The following PSD3 variants were observed in gnomAD, a reference collection of about 807,000 sequenced individuals.
PSD3 encodes the protein PH and SEC7 domain-containing protein 3.
PSD3 carries 49 observed loss-of-function variants against 105.5 expected under a neutral mutation model. That is an observed-to-expected ratio of 0.46 (90% CI 0.37 to 0.59). The LOEUF (loss-of-function observed/expected upper bound fraction) is 0.59. PSD3 is among the 20% of genes least tolerant of loss of function. The pLI, the probability that PSD3 is intolerant of heterozygous loss-of-function variation, is 0.00. For synonymous variants in PSD3, 557 were observed against 457.8 expected, an observed-to-expected ratio of 1.22 and a Z score of -2.77; for missense variants, 1,561 against 1,263.8, an observed-to-expected ratio of 1.24 and a Z score of -3.57.
At chr8:18,600,079 A>C (rs1804325810) in intron 12 of PSD3, among the ~76,000 whole-genome samples, 1 of 152,242 alleles carries the variant, frequency 6.6e-6, no homozygotes, top group East Asian at 1.9e-4. Flanking sequence ...AAGTGATTAA[A>C]GGATGGGCAT....
At chr8:18,781,947 T>C (rs1228285777) in intron 8 of PSD3, among the ~76,000 whole-genome samples, 2 of 152,114 alleles carry the variant, frequency 1.3e-5, no homozygotes, top group African/African-American at 4.8e-5. Flanking sequence ...GTTTACAAAT[T>C]CTTCTGCTTG....
rs566536702 is a variant in PSD3, at chr8:18,856,288, T to C, written c.1634+11386A>G. 3.3e-5 allele frequency among the ~76,000 whole-genome samples: 5 copies of C among 152,316 alleles called. No individual in the cohort carries two copies. The South Asian group carries it at 1.0e-3, about 32-fold the overall frequency. ...TGCACTAGAGTTATTTCTGAAGTTA[T>C]CTGATCTGCCTGTTTGGGAGACACC... is the stretch of plus-strand genomic sequence containing the variant. On this transcript the variant is annotated intron_variant, in intron 4 of 15. Coordinates refer to ENST00000327040, the MANE Select transcript of PSD3 (RefSeq NM_015310.4).
At chr8:18,646,523 C>T (rs1377611246) in intron 10 of PSD3, among the ~76,000 whole-genome samples, 4 of 151,974 alleles carry the variant, frequency 2.6e-5, no homozygotes, top group South Asian at 2.1e-4. Flanking sequence ...CTAAAAAGTA[C>T]ACACAAGGGA....
At chr8:18,931,440 A>G (rs538710914) in intron 2 of PSD3, among the ~76,000 whole-genome samples, 36 of 152,230 alleles carry the variant, frequency 2.4e-4, no homozygotes, top group Non-Finnish European at 4.4e-4. Flanking sequence ...ATTCATACTT[A>G]TGACCATAAA....
chr8:18,866,893 TACAC>T (rs34045400), intron 4 of PSD3, among the ~76,000 whole-genome samples: 4 of 146,756 alleles, frequency 2.7e-5, no homozygotes, highest in Admixed American at 6.8e-5. Flanking sequence ...CATACATACA[TACAC>T]ACACACACAC....
chr8:18,633,300 T>TC (rs1303768836), intron 10 of PSD3, among the ~76,000 whole-genome samples: 2 of 151,874 alleles, frequency 1.3e-5, no homozygotes, highest in East Asian at 1.9e-4. Flanking sequence ...GTAAACAATA[T>TC]CCCCCAAATA....
chr8:18,682,049 T>G (rs1471110025), intron 9 of PSD3, among the ~76,000 whole-genome samples: 1 of 151,036 alleles, frequency 6.6e-6, no homozygotes. Context: ...CACAGATACA[T>G]ATCAAGTAAA....
chr8:19,083,388 A>ACAAGGGCAGG (rs1829704158), intron 1 of PSD3, among the ~76,000 whole-genome samples: 2 of 152,182 alleles, frequency 1.3e-5, no homozygotes, highest in South Asian at 4.1e-4. Context: ...GATGCTAACA[A>ACAAGGGCAGG]CAAGGGCAGG....
intron 9 of PSD3, among the ~76,000 whole-genome samples, chr8:18,696,535 C>T (rs932916666): frequency 2.6e-5 from 4 of 152,174 alleles, no homozygotes; most frequent in Non-Finnish European, 4.4e-5. Context: ...AGATACATTC[C>T]GAGGAGCAAA....
In PSD3 at chr8:18,617,253, G is replaced by A. The variant is rs189763353; in HGVS notation, c.2410+15360C>T. 1.9e-3 allele frequency among the ~76,000 whole-genome samples: 288 copies of A among 152,134 alleles called. 2 individuals are homozygous for A. Among genetic ancestry groups the A allele is most frequent in the South Asian group, 0.014 (68 of 4,812 alleles). On this transcript the variant is annotated intron_variant, in intron 11 of 15. Coordinates refer to ENST00000327040, the MANE Select transcript of PSD3 (RefSeq NM_015310.4). ...TTAATTTTAAACTTTTCTACTGGCCGGGCATGGTCGCTCATACCTGTAATC... is the reference window on the plus strand; with the variant it reads ...TTAATTTTAAACTTTTCTACTGGCCAGGCATGGTCGCTCATACCTGTAATC...
intron 1 of PSD3, among the ~76,000 whole-genome samples, chr8:18,991,085 C>G (rs1031632413): frequency 6.6e-6 from 1 of 152,092 alleles, no homozygotes; most frequent in Non-Finnish European, 1.5e-5. Flanking sequence ...GAAAATGGGG[C>G]ACCAGAAACA....
At chr8:18,604,621 C>T (rs1343175570) in intron 11 of PSD3, among the ~76,000 whole-genome samples, 1 of 152,162 alleles carries the variant, frequency 6.6e-6, no homozygotes, top group Non-Finnish European at 1.5e-5. Context: ...AAGCCAAGTG[C>T]TATTAGCCAA....
At position 18,532,448 on chromosome 8, in the gene PSD3, A is replaced by G. The variant is rs1157032868; in HGVS notation, c.*3295T>C. ...TAGGATAACAGTTGGAGACGCATAG[A>G]GGGTCTTGTGTTTGCCACAAGACCA... is the stretch of plus-strand genomic sequence containing the variant. On this transcript the variant is annotated 3_prime_UTR_variant, in exon 16 of 16. Transcript: ENST00000327040. 6.6e-6 allele frequency: 1 copy of G among 152,234 alleles called. No homozygotes were observed. The highest frequency in any genetic ancestry group is 2.4e-5 in the African/African-American group (1 of 41,462). The allele number at this position is 152,234 out of a possible 1,614,324, so 9.4% of individuals were successfully genotyped here.
intron 9 of PSD3, among the ~76,000 whole-genome samples, chr8:18,735,516 C>T (rs189982138): frequency 1.7e-4 from 26 of 152,168 alleles, no homozygotes; most frequent in African/African-American, 4.6e-4. Flanking sequence ...ATTCTTTATT[C>T]GCCCTACAAA....
chr8:18,537,194 CA>C (rs898065901), intron 15 of PSD3, among the ~76,000 whole-genome samples: 1 of 152,192 alleles, frequency 6.6e-6, no homozygotes, highest in Middle Eastern at 3.2e-3. Context: ...TGAGTACCAA[CA>C]GCTTAACACA....
At chr8:19,003,700 G>A (rs781092999) in intron 1 of PSD3, among the ~76,000 whole-genome samples, 89 of 151,476 alleles carry the variant, frequency 5.9e-4, no homozygotes, top group Non-Finnish European at 8.4e-4. Context: ...AAATGTCTGT[G>A]AGCCTGGCTT....
intron 8 of PSD3, among the ~76,000 whole-genome samples, chr8:18,775,532 T>C (rs1260937157): frequency 6.6e-6 from 1 of 152,216 alleles, no homozygotes; most frequent in Non-Finnish European, 1.5e-5. Context: ...ATAAAAACCA[T>C]TTTAACTCGG....
chr8:19,061,990 G>C (rs1331552305), intron 1 of PSD3, among the ~76,000 whole-genome samples: 2 of 152,086 alleles, frequency 1.3e-5, no homozygotes, highest in Non-Finnish European at 2.9e-5. Flanking sequence ...CAATTGTACT[G>C]ATTATCTGTC....
chr8:18,983,941 A>G (rs897653063), intron 1 of PSD3, among the ~76,000 whole-genome samples: 1 of 151,358 alleles, frequency 6.6e-6, no homozygotes, highest in Non-Finnish European at 1.5e-5. Flanking sequence ...AAAGTTCAAG[A>G]TTGCAGTGAA....
Sources: allele counts gnomAD v4.1 joint callset (sites outside exome capture counted in the v4.1 genomes callset), GRCh38; gene constraint gnomAD v4.1.1; transcripts MANE v1.5; gene names NCBI Gene and HGNC (gene_info 2026-07-23, HGNC 2026-07-21).